The following MAD1L1 variants were observed in gnomAD, a reference collection of about 807,000 sequenced individuals.
MAD1L1 encodes the protein mitotic arrest deficient 1 like 1.
MAD1L1 carries 95 observed loss-of-function variants against 96.9 expected under a neutral mutation model. That is an observed-to-expected ratio of 0.98 (90% CI 0.83 to 1.16). The LOEUF is 1.16. Ranked by LOEUF, MAD1L1 falls within the 50% of genes most tolerant of loss-of-function variation. The probability of loss-of-function intolerance (pLI) is 0.00; values close to 1 mark genes in which losing one functional copy is unlikely to be tolerated. For synonymous variants in MAD1L1, 473 were observed against 396.6 expected, an observed-to-expected ratio of 1.19 and a Z score of -2.29; for missense variants, 1,007 against 954.4, an observed-to-expected ratio of 1.06 and a Z score of -0.73.
At chr7:2,029,128 A>T (rs1405487690) in intron 12 of MAD1L1, among the ~76,000 whole-genome samples, 1 of 152,246 alleles carries the variant, frequency 6.6e-6, no homozygotes, top group Non-Finnish European at 1.5e-5. Flanking sequence ...CTGCTACAGA[A>T]TGAGAGGAGA....
rs571842605 is a variant in MAD1L1, at chr7:1,969,038, G to A, written c.1506-11319C>T. 1.3e-4 allele frequency among the ~76,000 whole-genome samples: 20 copies of A among 152,278 alleles called. 1 individual carries two copies. Among genetic ancestry groups the A allele is most frequent in the South Asian group, 4.1e-4 (2 of 4,822 alleles). On this transcript the variant is annotated intron_variant, in intron 15 of 18. Transcript: ENST00000265854. ...TATGAGAACTCTCCGTCCAATTTCC[G>A]CAACTTGCCTATTGAATCTGGTAAA...
chr7:2,213,784 A>AG (rs1793111511), intron 9 of MAD1L1, among the ~76,000 whole-genome samples: 1 of 152,190 alleles, frequency 6.6e-6, no homozygotes, highest in South Asian at 2.1e-4. Flanking sequence ...AGCATGAGGG[A>AG]GGGTGAGACA....
intron 15 of MAD1L1, among the ~76,000 whole-genome samples, chr7:1,962,084 T>C (rs558415056): frequency 1.5e-4 from 23 of 152,074 alleles, no homozygotes; most frequent in Middle Eastern, 3.4e-3. Context: ...AGTGATGTGG[T>C]GGGAGATAAT....
At chr7:1,859,358 T>A (rs1310522653) in intron 18 of MAD1L1, among the ~76,000 whole-genome samples, 1 of 152,172 alleles carries the variant, frequency 6.6e-6, no homozygotes, top group Non-Finnish European at 1.5e-5. Context: ...CCAGCTTGCA[T>A]CTCCCCGTTG....
chr7:1,984,050 G>A (rs982269364), intron 14 of MAD1L1, among the ~76,000 whole-genome samples: 1 of 152,180 alleles, frequency 6.6e-6, no homozygotes, highest in Non-Finnish European at 1.5e-5. Flanking sequence ...CTTGTTCAAT[G>A]ATATAAATAT....
intron 11 of MAD1L1, among the ~76,000 whole-genome samples, chr7:2,095,346 C>A (rs1786432331): frequency 6.6e-6 from 1 of 151,900 alleles, no homozygotes; most frequent in Admixed American, 6.6e-5. Context: ...GCCCAGCCTG[C>A]AAGAAATATT....
chr7:2,171,377 C>A (rs186429507), intron 10 of MAD1L1, among the ~76,000 whole-genome samples: 30 of 152,366 alleles, frequency 2.0e-4, no homozygotes, highest in South Asian at 4.1e-4. Context: ...CATGCACACA[C>A]GTGCACACAT....
intron 18 of MAD1L1, among the ~76,000 whole-genome samples, chr7:1,896,794 T>C (rs889333799): frequency 2.6e-5 from 4 of 152,246 alleles, no homozygotes; most frequent in Non-Finnish European, 4.4e-5. Flanking sequence ...GGGAAAACGC[T>C]GCCTCTTAAT....
At position 2,056,693 on chromosome 7, in the gene MAD1L1, G is replaced by C. The variant is rs562636110; in HGVS notation, c.1218+12501C>G. On this transcript the variant is annotated intron_variant, in intron 12 of 18. Coordinates refer to ENST00000265854, the MANE Select transcript of MAD1L1 (RefSeq NM_001013836.2). ...ATTATCACAGAGGGGTGAAGGACAAGTCCTACTCAACACTAGAACCAGGAC... is the reference window on the plus strand; with the variant it reads ...ATTATCACAGAGGGGTGAAGGACAACTCCTACTCAACACTAGAACCAGGAC... Among the ~76,000 whole-genome samples the C allele has an allele frequency of 9.2e-5, 14 of 152,276 alleles. No homozygotes were observed. The South Asian group carries it at 1.9e-3, about 20-fold the overall frequency.
chr7:2,130,136 T>C (rs1395331621), intron 11 of MAD1L1, among the ~76,000 whole-genome samples: 1 of 152,246 alleles, frequency 6.6e-6, no homozygotes, highest in African/African-American at 2.4e-5. Context: ...GCAAATGCCC[T>C]CCTCTTGGAT....
chr7:2,216,142 C>G lies in MAD1L1; in HGVS notation c.809+15G>C. 1 of 1,611,294 alleles carries G rather than the reference C, an allele frequency of 6.2e-7. No individual in the cohort carries two copies. Among genetic ancestry groups the G allele is most frequent in the South Asian group, 1.1e-5 (1 of 90,850 alleles). ...CTCACTCGAGGCGGCTGCCCCATCC[C>G]CCGCAACCCCTCACCGCAGGTGCGC... is the stretch of plus-strand genomic sequence containing the variant. On this transcript the variant is annotated intron_variant, in intron 8 of 18. Transcript: ENST00000265854.
chr7:1,980,953 G>A (rs1257458918), intron 14 of MAD1L1, among the ~76,000 whole-genome samples: 8 of 152,068 alleles, frequency 5.3e-5, no homozygotes, highest in Middle Eastern at 3.2e-3. Context: ...TGCACCGCCC[G>A]GGAGGGAGCC....
At chr7:2,001,167 T>C (rs4327760) in intron 14 of MAD1L1, among the ~76,000 whole-genome samples, 151,009 of 152,374 alleles carry the variant, frequency 0.99, 74,847 homozygotes, top group Middle Eastern at 1. Context: ...CAAGCAAGGA[T>C]GCCCGACGGG....
intron 12 of MAD1L1, among the ~76,000 whole-genome samples, chr7:2,047,059 C>T (rs934538422): frequency 6.6e-6 from 1 of 152,206 alleles, no homozygotes; most frequent in Non-Finnish European, 1.5e-5. Flanking sequence ...CTGGGTTGAA[C>T]TGTTTACTGC....
intron 15 of MAD1L1, among the ~76,000 whole-genome samples, chr7:1,961,397 C>T (rs1438157962): frequency 6.6e-6 from 1 of 152,168 alleles, no homozygotes; most frequent in African/African-American, 2.4e-5. Flanking sequence ...GACAGACAGA[C>T]CGATCAAACA....
chr7:1,861,168 G>A (rs1298657622), intron 18 of MAD1L1, among the ~76,000 whole-genome samples: 1 of 152,230 alleles, frequency 6.6e-6, no homozygotes, highest in Non-Finnish European at 1.5e-5. Flanking sequence ...GCAGGAGGCT[G>A]GTGACCCCCC....
At position 2,007,506 on chromosome 7, in the gene MAD1L1, A is replaced by ACCCCGTCTC. The variant is rs57193072; in HGVS notation, c.1360-5386_1360-5385insGAGACGGGG. On this transcript the variant is annotated intron_variant, in intron 13 of 18. Transcript: ENST00000265854. ...AGACCAGCCTGGCCAACATGGTGAA[A>ACCCCGTCTC]TTACTAAAAATACAAAAATTAGCTG... Among the ~76,000 whole-genome samples, 4 of 151,386 alleles carry ACCCCGTCTC rather than the reference A, an allele frequency of 2.6e-5. 1 individual carries two copies. Among genetic ancestry groups the ACCCCGTCTC allele is most frequent in the East Asian group, 3.9e-4 (2 of 5,130 alleles).
intron 18 of MAD1L1, among the ~76,000 whole-genome samples, chr7:1,886,931 T>G (rs1213907315): frequency 6.6e-6 from 1 of 152,242 alleles, no homozygotes; most frequent in Non-Finnish European, 1.5e-5. Flanking sequence ...AAGCTGCTTC[T>G]CTCACACAGT....
chr7:1,895,453 C>A (rs1246063153), intron 18 of MAD1L1, among the ~76,000 whole-genome samples: 1 of 152,218 alleles, frequency 6.6e-6, no homozygotes, highest in South Asian at 2.1e-4. Context: ...GCCAGGCCCA[C>A]CCCGCAGCTC....
Sources: gnomAD v4.1 joint callset for allele counts (sites outside exome capture counted in the v4.1 genomes callset) on GRCh38, gnomAD v4.1.1 for gene constraint, MANE v1.5 for transcripts, NCBI Gene and HGNC (gene_info 2026-07-23, HGNC 2026-07-21) for gene names.